Variants in TRMT2B observed in about 807,000 individuals in gnomAD.
TRMT2B encodes tRNA methyltransferase 2B, also known as tRNA (uracil-5-)-methyltransferase homolog B.
Under a neutral mutation model 39.7 loss-of-function variants are expected in TRMT2B, and 34 were observed. The observed-to-expected ratio is 0.86, with a 90% CI of 0.65 to 1.14. The LOEUF is 1.14. Ranked by LOEUF, TRMT2B falls within the 50% of genes most tolerant of loss-of-function variation. The pLI is 0.00. For missense variants in TRMT2B, 318 were observed against 377.2 expected, an observed-to-expected ratio of 0.84 and a Z score of 1.30; for synonymous variants, 132 against 137.3, an observed-to-expected ratio of 0.96 and a Z score of 0.27.
At chrX:101,023,852 T>C (rs5967228) in intron 7 of TRMT2B, among the ~76,000 whole-genome samples, 1 of 111,005 alleles carries the variant, frequency 9.0e-6, no homozygotes, top group East Asian at 2.8e-4. Context: ...GTCCTTTTTT[T>C]ATTTTTTATT....
chrX:100,987,813 G>A, the TRMT2B span, among the ~76,000 whole-genome samples: 1 of 111,576 alleles, frequency 9.0e-6, no homozygotes, highest in African/African-American at 3.3e-5. Flanking sequence ...ATCAGCATTA[G>A]AGCTTCCCCA....
intron 13 of TRMT2B, among the ~76,000 whole-genome samples, chrX:101,011,115 T>C (rs1427371303): frequency 8.9e-6 from 1 of 112,093 alleles, no homozygotes; most frequent in African/African-American, 3.2e-5. Flanking sequence ...TGGGTAATAT[T>C]CAATACAGTC....
intron 13 of TRMT2B, among the ~76,000 whole-genome samples, chrX:101,012,479 C>A (rs1381465470): frequency 1.0e-5 from 1 of 97,130 alleles, no homozygotes; most frequent in Non-Finnish European, 2.1e-5. Context: ...CCCCTCCCCC[C>A]AACCCACAAC....
At chrX:101,034,712 C>T (rs1298436198) in intron 7 of TRMT2B, among the ~76,000 whole-genome samples, 1 of 111,458 alleles carries the variant, frequency 9.0e-6, no homozygotes, top group East Asian at 2.8e-4. Context: ...GGAATTATTT[C>T]AAGGGACACA....
At chrX:101,033,080 A>AC (rs1384539735) in intron 7 of TRMT2B, among the ~76,000 whole-genome samples, 2 of 107,415 alleles carry the variant, frequency 1.9e-5, no homozygotes, top group Non-Finnish European at 1.9e-5. Flanking sequence ...ACATGGTGAA[A>AC]CCCCATCTCT....
At position 101,051,849 on chromosome X, in the gene TRMT2B, C is replaced by A. The variant is rs2089119643; in HGVS notation, c.-539G>T. ...GGCAAACTAAAAGGCCAGCGGATGG[C>A]CTGGTTTGCTGCGGCGGGGAAACAG... On this transcript the variant is annotated 5_prime_UTR_variant, in exon 1 of 14. Coordinates refer to ENST00000372936, the MANE Select transcript of TRMT2B (RefSeq NM_024917.6). 3.2e-6 allele frequency: 1 copy of A among 311,288 alleles called. No homozygotes were observed. Among genetic ancestry groups the A allele is most frequent in the African/African-American group, 2.9e-5 (1 of 34,929 alleles). The allele number at this position is 311,288 out of a possible 1,213,427, so 25.7% of individuals were successfully genotyped here. A position where few individuals can be genotyped will look rare whatever the true frequency, so the allele number is the denominator to read the frequency against.
chrX:101,044,495 G>A (rs1035621287), intron 2 of TRMT2B, among the ~76,000 whole-genome samples: 1 of 111,315 alleles, frequency 9.0e-6, no homozygotes, highest in African/African-American at 3.3e-5. Flanking sequence ...GGCCAGGGCG[G>A]GCAGATCACA....
the TRMT2B span, among the ~76,000 whole-genome samples, chrX:100,979,222 T>G: frequency 1.8e-5 from 2 of 111,435 alleles, no homozygotes; most frequent in African/African-American, 6.5e-5. Flanking sequence ...TACCAGGGGG[T>G]TTTATACCTT....
At chrX:100,986,178 A>T in the TRMT2B span, among the ~76,000 whole-genome samples, 1 of 111,788 alleles carries the variant, frequency 8.9e-6, no homozygotes, top group Non-Finnish European at 1.9e-5. Context: ...AGTGGTATCC[A>T]CCACCTCCAC....
chrX:101,010,852 A>G, intron 13 of TRMT2B, 145 bp from the exon 14 acceptor site: 1 of 531,071 alleles, frequency 1.9e-6, no homozygotes, highest in Non-Finnish European at 2.9e-6. Context: ...ATTTAATATA[A>G]TCGTTTTTCT....
rs56212711 is a variant in TRMT2B at position 101,048,113 on chromosome X, T to TACACACAC, written c.-24+3130_-24+3137dup. ...ATTCAGAATTTTACATTTATACACA[T>TACACACAC]ACACACACACACACACACACACACA... On this transcript the variant is annotated intron_variant, in intron 2 of 13. Transcript: ENST00000372936. Among the ~76,000 whole-genome samples, 744 of 90,388 alleles carry TACACACAC rather than the reference T, an allele frequency of 8.2e-3. 3 individuals carry two copies. Among genetic ancestry groups the TACACACAC allele is most frequent in the African/African-American group, 0.015 (380 of 25,201 alleles). The allele number at this position is 90,388 out of a possible 115,157, so 78.5% of individuals were successfully genotyped here. A position where few individuals can be genotyped will look rare whatever the true frequency, so the allele number is the denominator to read the frequency against.
chrX:100,990,489 C>G, the TRMT2B span: 3 of 1,046,285 alleles, frequency 2.9e-6, no homozygotes, highest in Non-Finnish European at 3.7e-6. Context: ...TTTCTACACT[C>G]CCCATACAAC....
chrX:100,999,306 G>T, the TRMT2B span, among the ~76,000 whole-genome samples: 6 of 112,546 alleles, frequency 5.3e-5, no homozygotes, highest in Admixed American at 9.4e-5. Flanking sequence ...CATAATAGCT[G>T]TATTTCATTT....
chrX:100,981,891 G>A, the TRMT2B span, among the ~76,000 whole-genome samples: 2 of 108,216 alleles, frequency 1.8e-5, no homozygotes, highest in African/African-American at 6.7e-5. Context: ...GTGCTTTCAT[G>A]TGGATAGTTG....
At chrX:101,003,078 CTT>C in the TRMT2B span, among the ~76,000 whole-genome samples, 69 of 88,025 alleles carry the variant, frequency 7.8e-4, no homozygotes, top group African/African-American at 7.3e-4. Context: ...CCATGCCAAG[CTT>C]TTTTTTTTTT....
At chrX:101,020,439 A>G in intron 11 of TRMT2B, 48 bp downstream of exon 11, 1 of 1,058,465 alleles carries the variant, frequency 9.4e-7, no homozygotes, top group Non-Finnish European at 1.3e-6. Flanking sequence ...TCCATAGCAC[A>G]GAAACAACTG....
In TRMT2B at chrX:101,023,528, G is replaced by A; in HGVS notation, c.698C>T (p.Thr233Ile). 1 of 1,210,735 alleles carries A rather than the reference G, an allele frequency of 8.3e-7. No individual in the cohort carries two copies. The highest frequency in any genetic ancestry group is 1.1e-6 in the Non-Finnish European group (1 of 894,655). Residue 233 changes from threonine to isoleucine, a missense_variant, in exon 8 of 14, where the codon ACC becomes ATC. Thr to Ile is a moderately conservative substitution (Grantham distance 89). Transcript: ENST00000372936. ...GGYWRELTVR[T>I]NSQGHTMAII... ...AGCCATTGTGTGCCCTTGGCTATTG[G>A]TGCGGACTGTGAGCTCACGCCAGTA...
At chrX:100,977,530 GCCA>G in the TRMT2B span, among the ~76,000 whole-genome samples, 6 of 110,053 alleles carry the variant, frequency 5.5e-5, no homozygotes, top group East Asian at 1.7e-3. Flanking sequence ...ACAGGCGTGT[GCCA>G]CCACACCTGG....
chrX:101,047,992 T>C (rs1351541944), intron 2 of TRMT2B, among the ~76,000 whole-genome samples: 1 of 110,342 alleles, frequency 9.1e-6, no homozygotes, highest in Non-Finnish European at 1.9e-5. Context: ...GACACTTGAA[T>C]GGACTTGGCC....
Sources: allele counts gnomAD v4.1 joint callset (sites outside exome capture counted in the v4.1 genomes callset), GRCh38; gene constraint gnomAD v4.1.1; transcripts MANE v1.5; gene names NCBI Gene and HGNC (gene_info 2026-07-23, HGNC 2026-07-21).